SIK2: variants seen among roughly 807,000 people sequenced by gnomAD.
SIK2 encodes salt inducible kinase 2.
Under a neutral mutation model 103.2 loss-of-function variants are expected in SIK2, and 29 were observed. The ratio of observed to expected loss-of-function variants is 0.28; its 90% CI spans 0.21 to 0.38. The LOEUF (loss-of-function observed/expected upper bound fraction) is 0.38. SIK2 is among the 10% of genes least tolerant of loss of function. The probability of loss-of-function intolerance (pLI) is 1.00; values close to 1 mark genes in which losing one functional copy is unlikely to be tolerated. For synonymous variants in SIK2, 412 were observed against 446.1 expected (o/e 0.92, Z 0.96); for missense variants, 879 against 1,171.0 (o/e 0.75, Z 3.64).
chr11:111,635,350 A>C (rs1282996911), intron 3 of SIK2, among the ~76,000 whole-genome samples: 1 of 150,760 alleles, frequency 6.6e-6, no homozygotes, highest in Admixed American at 6.6e-5. Context: ...GAAAAAAGAA[A>C]GAAAGAGAAA....
intron 1 of SIK2, among the ~76,000 whole-genome samples, chr11:111,609,643 A>G (rs1308771082): frequency 6.6e-6 from 1 of 152,172 alleles, no homozygotes; most frequent in Non-Finnish European, 1.5e-5. Context: ...TCCTAATGAG[A>G]ATTTATTATT....
At chr11:111,619,277 A>G (rs1941850312) in intron 2 of SIK2, among the ~76,000 whole-genome samples, 1 of 152,228 alleles carries the variant, frequency 6.6e-6, no homozygotes, top group South Asian at 2.1e-4. Context: ...TTAGAACAAA[A>G]TTAATTTTCT....
chr11:111,643,728 C>G (rs1942214270), intron 3 of SIK2, among the ~76,000 whole-genome samples: 1 of 151,586 alleles, frequency 6.6e-6, no homozygotes, highest in Non-Finnish European at 1.5e-5. Context: ...CAGGAAAATC[C>G]CTTGGACCTG....
chr11:111,683,949 T>C (rs1215906934), intron 3 of SIK2, among the ~76,000 whole-genome samples: 1 of 152,200 alleles, frequency 6.6e-6, no homozygotes. Flanking sequence ...TTTTCAAGGA[T>C]GCCTACACTG....
chr11:111,612,938 A>ATATATATATATATATATATG (rs1405134626), intron 1 of SIK2, among the ~76,000 whole-genome samples: 7 of 146,592 alleles, frequency 4.8e-5, no homozygotes, highest in African/African-American at 1.8e-4. Flanking sequence ...ATATATATAT[A>ATATATATATATATATATATG]TATATATATT....
chr11:111,607,888 C>A (rs1170586961), intron 1 of SIK2, among the ~76,000 whole-genome samples: 1 of 152,108 alleles, frequency 6.6e-6, no homozygotes, highest in Non-Finnish European at 1.5e-5. Flanking sequence ...TGATTTTAAA[C>A]CCTCTGGGAA....
At chr11:111,612,486 A>G (rs1941740019) in intron 1 of SIK2, among the ~76,000 whole-genome samples, 1 of 152,116 alleles carries the variant, frequency 6.6e-6, no homozygotes, top group Non-Finnish European at 1.5e-5. Context: ...TTCTGGGCCT[A>G]CAGCTGGACT....
intron 1 of SIK2, among the ~76,000 whole-genome samples, chr11:111,603,517 C>T (rs1941611450): frequency 6.6e-6 from 1 of 152,096 alleles, no homozygotes; most frequent in Non-Finnish European, 1.5e-5. Flanking sequence ...CAACTGCTTC[C>T]TGACGGTGAA....
intron 3 of SIK2, among the ~76,000 whole-genome samples, chr11:111,660,839 C>CTTTTTTTTTTTTGTT (rs1942457369): frequency 1.1e-5 from 1 of 90,398 alleles, no homozygotes. Flanking sequence ...GTGAAGTTGG[C>CTTTTTTTTTTTTGTT]TTTTTTTTTT....
chr11:111,668,888 A>G (rs1325098521), intron 3 of SIK2, among the ~76,000 whole-genome samples: 1 of 152,160 alleles, frequency 6.6e-6, no homozygotes, highest in African/African-American at 2.4e-5. Flanking sequence ...TTAAGAGTTG[A>G]AAGGATTTGT....
chr11:111,684,526 T>G (rs1942819601), intron 3 of SIK2, among the ~76,000 whole-genome samples: 1 of 152,222 alleles, frequency 6.6e-6, no homozygotes, highest in African/African-American at 2.4e-5. Context: ...AAATAGCATT[T>G]TGTGTGGAAT....
At chr11:111,697,600 A>G (rs1417361688) in intron 4 of SIK2, among the ~76,000 whole-genome samples, 1 of 152,162 alleles carries the variant, frequency 6.6e-6, no homozygotes, top group Admixed American at 6.5e-5. Flanking sequence ...AAGTTAAGTA[A>G]TTTGTCCAAG....
intron 3 of SIK2, among the ~76,000 whole-genome samples, chr11:111,681,962 A>C (rs1276301047): frequency 6.6e-6 from 1 of 152,224 alleles, no homozygotes; most frequent in Non-Finnish European, 1.5e-5. Flanking sequence ...ACTATGTCAG[A>C]AACTCTAAGG....
chr11:111,682,290 T>C (rs1400311783), intron 3 of SIK2, among the ~76,000 whole-genome samples: 1 of 152,026 alleles, frequency 6.6e-6, no homozygotes, highest in Admixed American at 6.6e-5. Context: ...AAAGGACAAA[T>C]CCAGAATATA....
At chr11:111,671,381 C>T (rs1170707923) in intron 3 of SIK2, 3 of 248,630 alleles carry the variant, frequency 1.2e-5, no homozygotes, top group African/African-American at 2.3e-5. Flanking sequence ...GCCAGCTCCC[C>T]ACATACTGCT....
chr11:111,635,744 C>T (rs1296256937), intron 3 of SIK2, among the ~76,000 whole-genome samples: 3 of 152,312 alleles, frequency 2.0e-5, no homozygotes, highest in African/African-American at 7.2e-5. Flanking sequence ...TTCCTGGTAA[C>T]CTCCATTTTA....
At position 111,705,172 on chromosome 11, in the gene SIK2, G is replaced by A; in HGVS notation, c.1101+33G>A. The A allele has an allele frequency of 6.6e-7, 1 of 1,506,740 alleles. No homozygotes were observed. Among genetic ancestry groups the A allele is most frequent in the Non-Finnish European group, 8.8e-7 (1 of 1,137,086 alleles). The allele number at this position is 1,506,740 out of a possible 1,614,324, so 93.3% of individuals were successfully genotyped here. On this transcript the variant is annotated intron_variant, in intron 8 of 14. Coordinates refer to ENST00000304987, the MANE Select transcript of SIK2 (RefSeq NM_015191.3). The surrounding 1 kb of genome is among the most constrained non-coding windows in gnomAD (Gnocchi z 4.3). ...CCCCTTAGCTGAGAGTCTTATCTGT[G>A]CATGTGCCTGTTCACATGTTTGATA...
intron 9 of SIK2, among the ~76,000 whole-genome samples, chr11:111,715,037 A>G (rs963491066): frequency 8.5e-5 from 13 of 152,244 alleles, no homozygotes; most frequent in African/African-American, 3.1e-4. Flanking sequence ...AGCTATTTTT[A>G]AAGCTTGTGA....
At chr11:111,637,581 T>TC (rs1358113482) in intron 3 of SIK2, among the ~76,000 whole-genome samples, 2 of 148,816 alleles carry the variant, frequency 1.3e-5, no homozygotes, top group Admixed American at 1.3e-4. Context: ...TGCCTCAGCC[T>TC]CCCCAGTAGC....
Sources: gnomAD v4.1 joint callset for allele counts (sites outside exome capture counted in the v4.1 genomes callset) on GRCh38, gnomAD v4.1.1 for gene constraint, Gnocchi (gnomAD v3.1) non-coding constraint, MANE v1.5 for transcripts, NCBI Gene and HGNC (gene_info 2026-07-23, HGNC 2026-07-21) for gene names.